The following EXOC6B variants were observed in gnomAD, a reference collection of about 807,000 sequenced individuals.
The protein encoded by EXOC6B is SEC15 homolog B.
Under a neutral mutation model 113.5 loss-of-function variants are expected in EXOC6B, and 54 were observed. The ratio of observed to expected loss-of-function variants is 0.48; its 90% CI spans 0.38 to 0.60. The LOEUF is 0.60. Among genes scored for constraint, EXOC6B ranks in the 20% least tolerant of loss-of-function variants. The pLI, the probability that EXOC6B is intolerant of heterozygous loss-of-function variation, is 0.00. For synonymous variants in EXOC6B, 357 were observed against 339.0 expected (o/e 1.05, Z -0.58); for missense variants, 797 against 977.5 (o/e 0.82, Z 2.46).
At chr2:72,700,075 T>G (rs752873631) in intron 6 of EXOC6B, among the ~76,000 whole-genome samples, 1 of 152,230 alleles carries the variant, frequency 6.6e-6, no homozygotes, top group African/African-American at 2.4e-5. Flanking sequence ...GTAAAAACTA[T>G]GCAAATAGTT....
At chr2:72,814,742 A>G (rs1686125360) in intron 1 of EXOC6B, among the ~76,000 whole-genome samples, 1 of 152,254 alleles carries the variant, frequency 6.6e-6, no homozygotes. Flanking sequence ...CTGTAATCCC[A>G]GCACTTTGGG....
At chr2:72,487,574 T>A (rs562662922) in intron 16 of EXOC6B, among the ~76,000 whole-genome samples, 15 of 152,282 alleles carry the variant, frequency 9.9e-5, no homozygotes, top group African/African-American at 3.6e-4. Context: ...TTGGCCAGGA[T>A]GGTCTCGAAC....
intron 8 of EXOC6B, among the ~76,000 whole-genome samples, chr2:72,535,811 G>A (rs1453897624): frequency 6.6e-6 from 1 of 151,368 alleles, no homozygotes; most frequent in African/African-American, 2.4e-5. Flanking sequence ...CGGAAGTTGT[G>A]GTGAGCCAAG....
At chr2:72,205,178 C>T (rs1464404362) in intron 20 of EXOC6B, among the ~76,000 whole-genome samples, 1 of 152,178 alleles carries the variant, frequency 6.6e-6, no homozygotes, top group Admixed American at 6.5e-5. Flanking sequence ...CAAGACAACA[C>T]AGTTCATTTT....
chr2:72,186,147 G>A (rs557106797), intron 20 of EXOC6B, among the ~76,000 whole-genome samples: 1 of 152,272 alleles, frequency 6.6e-6, no homozygotes, highest in East Asian at 1.9e-4. Flanking sequence ...GTCTATCACT[G>A]TTGGACATTT....
intron 11 of EXOC6B, among the ~76,000 whole-genome samples, chr2:72,503,068 CCT>C (rs956088278): frequency 2.0e-5 from 3 of 152,072 alleles, no homozygotes; most frequent in African/African-American, 4.8e-5. Context: ...TCATTTTTCC[CCT>C]GTTATAATAA....
chr2:72,459,753 T>C (rs1311407269), intron 18 of EXOC6B, among the ~76,000 whole-genome samples: 1 of 152,094 alleles, frequency 6.6e-6, no homozygotes, highest in African/African-American at 2.4e-5. Flanking sequence ...GTGGGAAGAA[T>C]GAATATCGTG....
chr2:72,745,071 G>A (rs1352945152), intron 1 of EXOC6B, among the ~76,000 whole-genome samples: 1 of 152,252 alleles, frequency 6.6e-6, no homozygotes, highest in East Asian at 1.9e-4. Context: ...TTAGCTTTAA[G>A]TATCTACAGT....
chr2:72,184,646 G>A (rs1196040300), intron 20 of EXOC6B, among the ~76,000 whole-genome samples: 1 of 152,200 alleles, frequency 6.6e-6, no homozygotes, highest in Non-Finnish European at 1.5e-5. Flanking sequence ...AAGGTTAAAA[G>A]GTCTGGGTTC....
chr2:72,181,501 G>A (rs144112223), intron 21 of EXOC6B, among the ~76,000 whole-genome samples: 268 of 152,230 alleles, frequency 1.8e-3, no homozygotes, highest in Non-Finnish European at 2.2e-3. Flanking sequence ...CCTTTCCTCC[G>A]CTGAGTATAC....
intron 20 of EXOC6B, among the ~76,000 whole-genome samples, chr2:72,231,941 A>C (rs1681648077): frequency 6.6e-6 from 1 of 152,098 alleles, no homozygotes; most frequent in South Asian, 2.1e-4. Flanking sequence ...ACCCAAAGGA[A>C]CAGAAATCAT....
intron 20 of EXOC6B, among the ~76,000 whole-genome samples, chr2:72,330,450 C>G (rs1572923259): frequency 6.6e-6 from 1 of 152,002 alleles, no homozygotes; most frequent in African/African-American, 2.4e-5. Flanking sequence ...AGAGAAAAGA[C>G]AGTCTAGATC....
intron 18 of EXOC6B, among the ~76,000 whole-genome samples, chr2:72,452,884 C>G (rs1310891500): frequency 1.3e-5 from 2 of 152,146 alleles, no homozygotes; most frequent in African/African-American, 4.8e-5. Context: ...CACTGCTGCT[C>G]TTCTTTATAA....
intron 13 of EXOC6B, 77 bp from the exon 14 acceptor site, chr2:72,496,636 G>T: frequency 1.2e-6 from 1 of 843,842 alleles, no homozygotes; most frequent in Non-Finnish European, 2.0e-6. Flanking sequence ...CAGAGGGAAG[G>T]TGGGTTAATC....
At chr2:72,411,184 C>A in intron 18 of EXOC6B, among the ~76,000 whole-genome samples, 1 of 152,092 alleles carries the variant, frequency 6.6e-6, no homozygotes, top group East Asian at 1.9e-4. Context: ...TGCACTCCAG[C>A]CTGGGTGACA....
chr2:72,739,148 T>C (rs1407379119), intron 2 of EXOC6B, among the ~76,000 whole-genome samples: 2 of 152,200 alleles, frequency 1.3e-5, no homozygotes, highest in African/African-American at 4.8e-5. Context: ...TTTCTTTTAG[T>C]AATCCTCTAT....
At chr2:72,185,959 T>C (rs1572961356) in intron 20 of EXOC6B, among the ~76,000 whole-genome samples, 1 of 151,736 alleles carries the variant, frequency 6.6e-6, no homozygotes. Context: ...GTTCTCATTG[T>C]TCAATTCCCA....
intron 1 of EXOC6B, among the ~76,000 whole-genome samples, chr2:72,743,939 TTA>T (rs1681520352): frequency 2.0e-5 from 3 of 152,132 alleles, no homozygotes; most frequent in Admixed American, 2.0e-4. Context: ...AATGTTTTAG[TTA>T]ACGATGGACC....
chr2:72,727,406 T>C (rs1680363985), intron 5 of EXOC6B, among the ~76,000 whole-genome samples: 1 of 151,982 alleles, frequency 6.6e-6, no homozygotes, highest in Non-Finnish European at 1.5e-5. Context: ...AATAAAGTCA[T>C]GAAAGGCAAG....
Sources: gnomAD v4.1 joint callset for allele counts (sites outside exome capture counted in the v4.1 genomes callset) on GRCh38, gnomAD v4.1.1 for gene constraint, MANE v1.5 for transcripts, NCBI Gene and HGNC (gene_info 2026-07-23, HGNC 2026-07-21) for gene names.